Variants in ADGRL2 observed in about 807,000 individuals in gnomAD.
ADGRL2 encodes the protein adhesion G protein-coupled receptor L2.
In ADGRL2, 44 loss-of-function variants were observed where a neutral mutation model predicts 157.4. The observed-to-expected ratio is 0.28, with a 90% CI of 0.22 to 0.36. The LOEUF is 0.36. ADGRL2 is among the 10% of genes least tolerant of loss of function. The pLI is 1.00. For synonymous variants in ADGRL2, 585 were observed against 624.7 expected, an observed-to-expected ratio of 0.94 and a Z score of 0.95; for missense variants, 1,510 against 1,768.9, an observed-to-expected ratio of 0.85 and a Z score of 2.63.
At chr1:81,801,309 A>G (rs534429565) in intron 1 of ADGRL2, among the ~76,000 whole-genome samples, 66 of 152,232 alleles carry the variant, frequency 4.3e-4, no homozygotes, top group South Asian at 8.3e-4. Flanking sequence ...GATTAGCCCA[A>G]CTGGCGGGGA....
chr1:81,650,916 T>C lies in ADGRL2; in HGVS notation c.-143+69936T>C, dbSNP rs1292394610. On this transcript the variant is annotated intron_variant, in intron 3 of 24. Transcript: ENST00000370721. ...GTTTCTTTCCCTGCCCCCACCTCCA[T>C]TTTCTATTTGCAGTTTTTGCCCTCC... Among the ~76,000 whole-genome samples the C allele has an allele frequency of 6.6e-5, 10 of 152,280 alleles. No homozygotes were observed. In the East Asian group the frequency reaches 1.7e-3, roughly 26 times the overall value.
intron 21 of ADGRL2, among the ~76,000 whole-genome samples, chr1:81,986,449 G>C (rs1343651241): frequency 6.6e-6 from 1 of 151,890 alleles, no homozygotes; most frequent in East Asian, 1.9e-4. Context: ...TTTTCCTCCT[G>C]CTCAGTTGGT....
chr1:81,802,109 G>A (rs12753615), intron 1 of ADGRL2, among the ~76,000 whole-genome samples: 6 of 150,112 alleles, frequency 4.0e-5, no homozygotes, highest in African/African-American at 1.5e-4. Context: ...CTCGGCGGCC[G>A]AGGACCCGCT....
At chr1:81,562,006 T>C (rs1054296847) in intron 2 of ADGRL2, among the ~76,000 whole-genome samples, 2 of 152,178 alleles carry the variant, frequency 1.3e-5, no homozygotes, top group African/African-American at 4.8e-5. Context: ...CTCAAATCTT[T>C]CTTTAAAAAG....
intron 2 of ADGRL2, among the ~76,000 whole-genome samples, chr1:81,461,767 T>G (rs181793495): frequency 1.2e-4 from 19 of 152,276 alleles, no homozygotes; most frequent in Admixed American, 1.2e-3. Context: ...AAGATAGCTC[T>G]GTAAAACAGG....
At chr1:81,628,920 G>A (rs912588508) in intron 3 of ADGRL2, among the ~76,000 whole-genome samples, 3 of 152,024 alleles carry the variant, frequency 2.0e-5, no homozygotes, top group African/African-American at 7.2e-5. Flanking sequence ...ATTTTAGATA[G>A]GCTTTAAGAT....
chr1:81,487,072 T>C (rs986942604), intron 2 of ADGRL2, among the ~76,000 whole-genome samples: 15 of 115,708 alleles, frequency 1.3e-4, no homozygotes, highest in African/African-American at 4.0e-4. Context: ...CTGGGCAACA[T>C]AGGGAGACCT....
At chr1:81,927,420 C>G (rs1474450074) in intron 3 of ADGRL2, among the ~76,000 whole-genome samples, 1 of 151,778 alleles carries the variant, frequency 6.6e-6, no homozygotes, top group Non-Finnish European at 1.5e-5. Context: ...AGGATTTAAT[C>G]ACAGGTGCAA....
intron 3 of ADGRL2, among the ~76,000 whole-genome samples, chr1:81,657,958 A>G (rs1309138274): frequency 6.6e-6 from 1 of 152,228 alleles, no homozygotes; most frequent in Admixed American, 6.5e-5. Flanking sequence ...CATAAAAATA[A>G]AAAGGATGGC....
intron 3 of ADGRL2, among the ~76,000 whole-genome samples, chr1:81,679,063 A>T (rs1557559611): frequency 6.6e-6 from 1 of 152,218 alleles, no homozygotes; most frequent in Non-Finnish European, 1.5e-5. Flanking sequence ...CCTCCTCTAA[A>T]TTACAAAAGA....
intron 1 of ADGRL2, among the ~76,000 whole-genome samples, chr1:81,828,241 T>C (rs1274130134): frequency 6.6e-6 from 1 of 151,920 alleles, no homozygotes; most frequent in African/African-American, 2.4e-5. Flanking sequence ...AAGCCTAAAA[T>C]ATTTTCTGTC....
intron 2 of ADGRL2, among the ~76,000 whole-genome samples, chr1:81,897,962 G>A (rs2094422270): frequency 1.3e-5 from 2 of 152,030 alleles, no homozygotes; most frequent in South Asian, 2.1e-4. Flanking sequence ...GCTGGGCATG[G>A]TGGCATGAGC....
intron 2 of ADGRL2, among the ~76,000 whole-genome samples, chr1:81,459,409 G>A (rs962175622): frequency 6.6e-6 from 1 of 152,120 alleles, no homozygotes; most frequent in African/African-American, 2.4e-5. Context: ...GAATCAAGTA[G>A]GATCATGAAG....
chr1:81,673,192 T>A (rs939393134), intron 3 of ADGRL2, among the ~76,000 whole-genome samples: 4 of 152,194 alleles, frequency 2.6e-5, no homozygotes, highest in African/African-American at 9.6e-5. Context: ...CATACCTACC[T>A]TTTCATGAAA....
chr1:81,399,849 C>A (rs925143022), intron 1 of ADGRL2, among the ~76,000 whole-genome samples: 1 of 152,020 alleles, frequency 6.6e-6, no homozygotes, highest in Admixed American at 6.6e-5. Flanking sequence ...TATTTCCTTG[C>A]TTTTTCATGT....
Position 81,883,994 on chromosome 1 carries a change from CTT to C in ADGRL2, c.74-23010_74-23009del, listed in dbSNP as rs11330228. ...TTTCTTTGTTTTCATATGAAATTGT[CTT>C]TTTTTTTTTTTTAGGATACATGTCT... On this transcript the variant is annotated intron_variant, in intron 2 of 23. Transcript: ENST00000686636. Among the ~76,000 whole-genome samples, 674 of 144,834 alleles carry C rather than the reference CTT, an allele frequency of 4.7e-3. 5 individuals carry two copies. The highest frequency in any genetic ancestry group is 8.4e-3 in the African/African-American group (332 of 39,358).
In ADGRL2 at chr1:81,389,560, G is replaced by T. The variant is rs1297862365; in HGVS notation, c.-301-55476G>T. On this transcript the variant is annotated intron_variant, in intron 1 of 24. Coordinates refer to the ADGRL2 transcript ENST00000370721. ...TAAATGACAGGTGGCAAATGACATA[G>T]GCAACGAATGATTTCGGGTATTATT... Among the ~76,000 whole-genome samples, 5 of 152,166 alleles carry T rather than the reference G, an allele frequency of 3.3e-5. No homozygotes were observed. The East Asian group carries it at 7.7e-4, about 23-fold the overall frequency.
intron 3 of ADGRL2, among the ~76,000 whole-genome samples, chr1:81,668,291 G>A (rs529290998): frequency 1.3e-3 from 204 of 152,036 alleles, no homozygotes; most frequent in African/African-American, 4.7e-3. Context: ...CGGACATGGT[G>A]GAGCACACCT....
At chr1:81,810,552 A>T (rs1387809503) in intron 1 of ADGRL2, among the ~76,000 whole-genome samples, 1 of 151,900 alleles carries the variant, frequency 6.6e-6, no homozygotes, top group Non-Finnish European at 1.5e-5. Flanking sequence ...TGTGTTCTTA[A>T]TGTCAGGATG....
Sources: allele counts gnomAD v4.1 joint callset (sites outside exome capture counted in the v4.1 genomes callset), GRCh38; gene constraint gnomAD v4.1.1; transcripts MANE v1.5; gene names NCBI Gene and HGNC (gene_info 2026-07-23, HGNC 2026-07-21).